The following SDK2 variants were observed in gnomAD, a reference collection of about 807,000 sequenced individuals.
SDK2 encodes sidekick cell adhesion molecule 2.
Under a neutral mutation model 253.9 loss-of-function variants are expected in SDK2, and 105 were observed. The observed-to-expected ratio is 0.41, with a 90% CI of 0.35 to 0.49. The LOEUF (loss-of-function observed/expected upper bound fraction) is 0.49. Ranked by LOEUF, SDK2 falls within the 20% of genes least tolerant of loss-of-function variation. The pLI, the probability that SDK2 is intolerant of heterozygous loss-of-function variation, is 0.06. For synonymous variants in SDK2, 1,249 were observed against 1,234.9 expected (o/e 1.01, Z -0.24); for missense variants, 2,608 against 3,003.0 (o/e 0.87, Z 3.07).
At chr17:73,409,086 T>C (rs1041216220) in intron 18 of SDK2, among the ~76,000 whole-genome samples, 1 of 152,198 alleles carries the variant, frequency 6.6e-6, no homozygotes, top group Non-Finnish European at 1.5e-5. Flanking sequence ...AGATGGAACA[T>C]ACCTGGCTGG....
At chr17:73,454,716 G>A (rs2063511518) in intron 4 of SDK2, among the ~76,000 whole-genome samples, 1 of 152,130 alleles carries the variant, frequency 6.6e-6, no homozygotes, top group Non-Finnish European at 1.5e-5. Context: ...ATCATTATTT[G>A]AGATGGAGTC....
chr17:73,532,731 C>T (rs2064179851), intron 1 of SDK2, among the ~76,000 whole-genome samples: 1 of 152,152 alleles, frequency 6.6e-6, no homozygotes, highest in African/African-American at 2.4e-5. Context: ...GCTGGAGGCT[C>T]TCTCTTGTCC....
At position 73,472,222 on chromosome 17, in the gene SDK2, T is replaced by C; in HGVS notation, c.225-4A>G. ...GTCCAGGCTGGTGATCATGTATCTA[T>C]GGGACAGACGAGACAGCCAGTGAGC... On this transcript the variant is annotated splice_region_variant and splice_polypyrimidine_tract_variant and intron_variant, in intron 2 of 44. Coordinates refer to ENST00000392650, the MANE Select transcript of SDK2 (RefSeq NM_001144952.2). The C allele has an allele frequency of 6.5e-7, 1 of 1,550,086 alleles. No homozygotes were observed. Among genetic ancestry groups the C allele is most frequent in the South Asian group, 1.2e-5 (1 of 84,030 alleles).
Position 73,401,739 on chromosome 17 carries a change from C to T in SDK2, c.2694G>A (p.Val898=), listed in dbSNP as rs943720829. 11 of 1,579,684 alleles carry T rather than the reference C, an allele frequency of 7.0e-6. No individual in the cohort carries two copies. In the African/African-American group the frequency reaches 9.4e-5, roughly 14 times the overall value. The change falls in exon 20 of 45, where the codon GTG becomes GTA. Residue 898 remains valine (V), a synonymous_variant. Transcript: ENST00000392650. ...GGATCTCACTGAAGCTCAGGTGTCC[C>T]ACGGGCCCAGGCACTGCACCCCAAA... ...VRTHEDVPGP[V]GHLSFSEILD... is the part of the protein sequence containing the mutation.
intron 5 of SDK2, among the ~76,000 whole-genome samples, chr17:73,445,838 C>T (rs958097835): frequency 6.6e-6 from 1 of 152,048 alleles, no homozygotes; most frequent in African/African-American, 2.4e-5. Flanking sequence ...GATAAATCAG[C>T]GTGTGATGGC....
At chr17:73,559,054 C>T (rs772553667) in intron 1 of SDK2, among the ~76,000 whole-genome samples, 1 of 152,212 alleles carries the variant, frequency 6.6e-6, no homozygotes, top group African/African-American at 2.4e-5. Context: ...GGAAAGAATG[C>T]ACCATCTCCT....
rs568752304 is a variant in SDK2, at chr17:73,541,133, G to A, written c.65-33536C>T. Among the ~76,000 whole-genome samples, 18 of 152,340 alleles carry A rather than the reference G, an allele frequency of 1.2e-4. No individual in the cohort carries two copies. Among genetic ancestry groups the A allele is most frequent in the African/African-American group, 4.3e-4 (18 of 41,572 alleles). On this transcript the variant is annotated intron_variant, in intron 1 of 44. Transcript: ENST00000392650. This position sits in a 1 kb window ranked among gnomAD's most constrained non-coding sequence, Gnocchi z 4.3. ...CCCTCCCGCTACTCCTGGCCAAAGT[G>A]GTATGAGCACCCTCAGAGCAGCTGT...
chr17:73,423,655 G>T, intron 13 of SDK2, 133 bp from the exon 14 acceptor site: 4 of 1,115,422 alleles, frequency 3.6e-6, no homozygotes, highest in African/African-American at 3.2e-5. Flanking sequence ...TGGCCTTCGG[G>T]CCATCTACCT....
intron 26 of SDK2, 147 bp downstream of exon 26, chr17:73,394,062 G>A (rs545553109): frequency 1.9e-6 from 1 of 518,772 alleles, no homozygotes; most frequent in South Asian, 5.2e-5. Context: ...TGGTTGCCAT[G>A]GTGACCATTG....
intron 6 of SDK2, among the ~76,000 whole-genome samples, chr17:73,439,547 C>G (rs1210733554): frequency 6.6e-6 from 1 of 151,712 alleles, no homozygotes; most frequent in Non-Finnish European, 1.5e-5. Flanking sequence ...ATAGTGAGAC[C>G]CTGTCTTAAA....
In SDK2 at chr17:73,390,384, G is replaced by C. The variant is rs2062917635; in HGVS notation, c.4095C>G (p.Leu1365=). ...GGAACAGGTAGACAGACTCTGGCTT[G>C]AGGCCCGTGGCTGTGTACTGCCGGG... is the stretch of plus-strand genomic sequence containing the variant. ...PSARQYTATG[L]KPESVYLFRI... is the part of the protein sequence containing the mutation. Residue 1365 remains leucine (L), a synonymous_variant, in exon 29 of 45, where the codon CTC becomes CTG. Coordinates refer to ENST00000392650, the MANE Select transcript of SDK2 (RefSeq NM_001144952.2). 15 of 1,612,604 alleles carry C rather than the reference G, an allele frequency of 9.3e-6. No homozygotes were observed. The highest frequency in any genetic ancestry group is 1.3e-5 in the Non-Finnish European group (15 of 1,179,688).
chr17:73,623,344 C>T (rs961344175), intron 1 of SDK2, among the ~76,000 whole-genome samples: 1 of 152,170 alleles, frequency 6.6e-6, no homozygotes, highest in African/African-American at 2.4e-5. Context: ...ATCATAGAGG[C>T]AGTCTGGCTC....
chr17:73,594,253 C>G (rs2045723524), intron 1 of SDK2, among the ~76,000 whole-genome samples: 1 of 152,080 alleles, frequency 6.6e-6, no homozygotes, highest in Non-Finnish European at 1.5e-5. Flanking sequence ...CTGGACAGCT[C>G]CCTCGACCCT....
At chr17:73,475,182 C>T (rs1567794348) in intron 2 of SDK2, among the ~76,000 whole-genome samples, 1 of 151,454 alleles carries the variant, frequency 6.6e-6, no homozygotes. Flanking sequence ...GATGGAGTCT[C>T]ACTCTTTTGC....
chr17:73,540,847 G>A (rs570060399), intron 1 of SDK2, among the ~76,000 whole-genome samples: 4 of 152,316 alleles, frequency 2.6e-5, no homozygotes, highest in South Asian at 2.1e-4. Context: ...GGCCCTACCC[G>A]GAAGGCAGGT....
At chr17:73,340,734 G>GTTTGTTTTTT (rs1477371864) in intron 44 of SDK2, among the ~76,000 whole-genome samples, 1 of 77,552 alleles carries the variant, frequency 1.3e-5, no homozygotes, top group Non-Finnish European at 2.2e-5. Flanking sequence ...AAACCTTAAA[G>GTTTGTTTTTT]TTTTTTTTTT....
intron 24 of SDK2, among the ~76,000 whole-genome samples, chr17:73,396,054 T>C (rs183342293): frequency 6.6e-5 from 10 of 152,264 alleles, no homozygotes; most frequent in Non-Finnish European, 1.2e-4. Flanking sequence ...TGTGCCACTA[T>C]GCCTGCTAAG....
At chr17:73,620,327 T>C (rs191930681) in intron 1 of SDK2, among the ~76,000 whole-genome samples, 36 of 152,080 alleles carry the variant, frequency 2.4e-4, no homozygotes, top group Non-Finnish European at 4.0e-4. Flanking sequence ...AAAACCCCCA[T>C]AAGGTAACAC....
At chr17:73,555,903 AG>A (rs1426991299) in intron 1 of SDK2, among the ~76,000 whole-genome samples, 1 of 152,148 alleles carries the variant, frequency 6.6e-6, no homozygotes, top group Non-Finnish European at 1.5e-5. Flanking sequence ...ACAGAGAGTC[AG>A]GGGGGACCAG....
Sources: allele counts gnomAD v4.1 joint callset (sites outside exome capture counted in the v4.1 genomes callset), GRCh38; gene constraint gnomAD v4.1.1; non-coding constraint Gnocchi (gnomAD v3.1); transcripts MANE v1.5; gene names NCBI Gene and HGNC (gene_info 2026-07-23, HGNC 2026-07-21).